SLC6A12: variants seen among roughly 807,000 people sequenced by gnomAD.
The protein encoded by SLC6A12 is sodium- and chloride-dependent betaine transporter.
SLC6A12 carries 50 observed loss-of-function variants against 73.3 expected under a neutral mutation model. The observed-to-expected ratio is 0.68, with a 90% confidence interval of 0.54 to 0.86. The LOEUF is 0.86. SLC6A12 is among the 40% of genes least tolerant of loss of function. SLC6A12 has a pLI of 0.00. For missense variants in SLC6A12, 648 were observed against 772.8 expected (o/e 0.84, Z 1.92); for synonymous variants, 304 against 309.2 (o/e 0.98, Z 0.18).
downstream of SLC6A12, among the ~76,000 whole-genome samples, chr12:188,707 T>A (rs1939490439): frequency 6.6e-6 from 1 of 151,644 alleles, no homozygotes; most frequent in Non-Finnish European, 1.5e-5. Context: ...GCGCGTGAAC[T>A]CATGTGCACA....
At chr12:194,274 G>A (rs1294098505) in intron 13 of SLC6A12, 1 of 152,314 alleles carries the variant, frequency 6.6e-6, no homozygotes, top group African/African-American at 2.4e-5. Flanking sequence ...GGCATCAGAT[G>A]CCTGAGGTGA....
At chr12:201,567 T>C (rs1940265103) in intron 6 of SLC6A12, 195 bp downstream of exon 6, 1 of 574,402 alleles carries the variant, frequency 1.7e-6, no homozygotes, top group African/African-American at 1.9e-5. Flanking sequence ...TAAATGTGAG[T>C]CTCCGTGGAC....
chr12:202,942 A>G (rs992298417), intron 4 of SLC6A12, 62 bp from the exon 5 acceptor site: 12 of 1,511,066 alleles, frequency 7.9e-6, no homozygotes, highest in Admixed American at 1.7e-5. Flanking sequence ...AAAAAGTCAC[A>G]TAGAAGCTGC....
downstream of SLC6A12, among the ~76,000 whole-genome samples, chr12:187,360 C>T (rs1161793167): frequency 2.0e-5 from 3 of 151,912 alleles, no homozygotes; most frequent in African/African-American, 4.8e-5. Flanking sequence ...GGAGTTTTTT[C>T]CTTCTGGTAG....
chr12:200,696 G>C lies in SLC6A12; in HGVS notation c.666C>G (p.Val222=), dbSNP rs1249405475. Residue 222 remains valine (V), a synonymous_variant, in exon 7 of 16, where the codon GTC becomes GTG. Transcript: ENST00000684302. ...CCTTCCAGATGCAGAAATAGCAGATGACCCAGGCGAGCAGGAGGCACAGGG... is the reference window on the plus strand; with the variant it reads ...CCTTCCAGATGCAGAAATAGCAGATCACCCAGGCGAGCAGGAGGCACAGGG... ...ELALCLLLAW[V]ICYFCIWKGV... 2.5e-6 allele frequency: 4 copies of C among 1,614,158 alleles called. No homozygotes were observed. The Admixed American group carries it at 6.7e-5, about 27-fold the overall frequency.
downstream of SLC6A12, among the ~76,000 whole-genome samples, chr12:187,609 A>C (rs1268288230): frequency 4.0e-4 from 6 of 14,922 alleles, no homozygotes; most frequent in Non-Finnish European, 2.4e-3. Flanking sequence ...AAAAAAAAAA[A>C]AAAAAAAAAA....
intron 12 of SLC6A12, among the ~76,000 whole-genome samples, chr12:195,636 C>T (rs907215293): frequency 3.3e-5 from 5 of 152,198 alleles, no homozygotes; most frequent in African/African-American, 1.2e-4. Context: ...ATCCCTCTCT[C>T]TCTACTCCAG....
At chr12:200,031 T>C (rs1940126047) in intron 7 of SLC6A12, among the ~76,000 whole-genome samples, 1 of 151,712 alleles carries the variant, frequency 6.6e-6, no homozygotes, top group South Asian at 2.1e-4. Flanking sequence ...TGAACAGAGA[T>C]TAGCAGTGCC....
chr12:204,707 G>A lies in SLC6A12; in HGVS notation c.215-9C>T. The A allele has an allele frequency of 2.5e-6, 4 of 1,613,066 alleles. No individual in the cohort carries two copies. The highest frequency in any genetic ancestry group is 3.4e-6 in the Non-Finnish European group (4 of 1,179,532). ...GGGGATGAAGAAGGCTCCTGCAGAA[G>A]AGAGAGAGGCAGGGCTGAGCCACAC... On this transcript the variant is annotated splice_polypyrimidine_tract_variant and intron_variant, in intron 3 of 15. Coordinates refer to ENST00000684302, the MANE Select transcript of SLC6A12 (RefSeq NM_001122848.3).
downstream of SLC6A12, among the ~76,000 whole-genome samples, chr12:186,276 T>C (rs1230977583): frequency 6.6e-6 from 1 of 152,150 alleles, no homozygotes; most frequent in Non-Finnish European, 1.5e-5. Context: ...AGGAGCACAC[T>C]TGACCCAACA....
At chr12:192,419 CA>C in intron 15 of SLC6A12, 58 bp downstream of exon 15, 2 of 1,515,140 alleles carry the variant, frequency 1.3e-6, no homozygotes, top group Non-Finnish European at 1.8e-6. Flanking sequence ...TGTCCTGCCC[CA>C]AGTCCAGCCT....
chr12:191,304 G>A, intron 15 of SLC6A12, 93 bp from the exon 16 acceptor site: 7 of 1,124,926 alleles, frequency 6.2e-6, no homozygotes, highest in African/African-American at 3.2e-5. Flanking sequence ...GCCCAGAGCG[G>A]AGCACATGGC....
rs1939808599 is a variant in SLC6A12, at chr12:195,276, A to G, written c.1378T>C (p.Cys460Arg). The change falls in exon 13 of 16, where the codon TGC (cysteine) becomes CGC (arginine). Residue 460 changes from cysteine (C) to arginine (R), a missense_variant. By Grantham distance (180) the Cys-to-Arg change is radical (BLOSUM62 -3). Transcript: ENST00000684302. ...TCAAACAATGACAGGAACAGCAGGCATATGCCACTGGAAGCATAGTAGTCA... is the reference window on the plus strand; with the variant it reads ...TCAAACAATGACAGGAACAGCAGGCGTATGCCACTGGAAGCATAGTAGTCA... ...LFDYYASSGI[C>R]LLFLSLFEVV... 1 of 1,612,850 alleles carries G rather than the reference A, an allele frequency of 6.2e-7. No homozygotes were observed. The highest frequency in any genetic ancestry group is 1.1e-5 in the South Asian group (1 of 91,056).
Position 196,227 on chromosome 12 carries a change from A to T in SLC6A12, c.1223T>A (p.Ile408Lys). The T allele has an allele frequency of 1.9e-6, 3 of 1,604,690 alleles. No homozygotes were observed. Among genetic ancestry groups the T allele is most frequent in the Non-Finnish European group, 2.5e-6 (3 of 1,176,848 alleles). ...CCGGAGCTGCCTGGGGAACATGTCT[A>T]TGGAGGCTGTCACCAGGCACTCCAC... is the stretch of plus-strand genomic sequence containing the variant. ...VCVECLVTAS[I>K]DMFPRQLRKS... The change falls in exon 12 of 16, where the codon ATA becomes AAA. Residue 408 changes from isoleucine to lysine, a missense_variant. Transcript: ENST00000684302.
chr12:212,140 G>C (rs1052999697), intron 1 of SLC6A12, 30 bp from the exon 2 acceptor site: 3 of 152,198 alleles, frequency 2.0e-5, no homozygotes, highest in African/African-American at 7.2e-5. Context: ...CTGCTCAAAG[G>C]GGTTTTCGGA....
chr12:196,227 A>G lies in SLC6A12; in HGVS notation c.1223T>C (p.Ile408Thr), dbSNP rs1437842090. 4 of 1,604,572 alleles carry G rather than the reference A, an allele frequency of 2.5e-6. No homozygotes were observed. The highest frequency in any genetic ancestry group is 1.7e-6 in the Non-Finnish European group (2 of 1,176,856). The change falls in exon 12 of 16, where the codon ATA becomes ACA. Residue 408 changes from isoleucine to threonine, a missense_variant. Physicochemically the swap from Ile to Thr is moderately conservative, Grantham distance 89. Coordinates refer to ENST00000684302, the MANE Select transcript of SLC6A12 (RefSeq NM_001122848.3). ...VCVECLVTAS[I>T]DMFPRQLRKS... is the part of the protein sequence containing the mutation. ...CCGGAGCTGCCTGGGGAACATGTCT[A>G]TGGAGGCTGTCACCAGGCACTCCAC...
At chr12:187,442 G>A (rs888681235), downstream of SLC6A12, among the ~76,000 whole-genome samples, 3 of 151,714 alleles carry the variant, frequency 2.0e-5, no homozygotes, top group East Asian at 1.9e-4. Flanking sequence ...TGAAGGCGGC[G>A]CGTCTGGAGT....
In SLC6A12 at chr12:209,590, C is replaced by T. The variant is rs994239512; in HGVS notation, c.214+183G>A. On this transcript the variant is annotated intron_variant, in intron 3 of 15. Coordinates refer to ENST00000684302, the MANE Select transcript of SLC6A12 (RefSeq NM_001122848.3). ...TCACCGTCACCCTGGGAGGTATTGTCCCCATTTCACAGAGAGGGACGCTGA... is the reference window on the plus strand; with the variant it reads ...TCACCGTCACCCTGGGAGGTATTGTTCCCATTTCACAGAGAGGGACGCTGA... The T allele has an allele frequency of 6.3e-6, 4 of 639,628 alleles. No individual in the cohort carries two copies. In the African/African-American group the frequency reaches 7.3e-5, roughly 12 times the overall value. 39.6% of individuals were successfully genotyped at this position (639,628 alleles called of 1,614,324 possible).
Position 196,806 on chromosome 12 carries a change from G to C in SLC6A12, c.1152C>G (p.Phe384Leu). Residue 384 changes from phenylalanine to leucine, a missense_variant, in exon 11 of 16, where the codon TTC becomes TTG. Coordinates refer to ENST00000684302, the MANE Select transcript of SLC6A12 (RefSeq NM_001122848.3). The part of the protein sequence containing the change: ...MPLSQLWSCL[F>L]FIMLIFLGLD... Reference sequence around the variant, plus strand: ...GCCCTAGGAATATGAGCATGATAAAGAACAGGCAGGACCACAGCTGGGATA... The same window carrying C: ...GCCCTAGGAATATGAGCATGATAAACAACAGGCAGGACCACAGCTGGGATA... The C allele has an allele frequency of 1.2e-6, 2 of 1,613,822 alleles. No individual in the cohort carries two copies. The highest frequency in any genetic ancestry group is 1.3e-5 in the African/African-American group (1 of 75,018).
Sources: allele counts gnomAD v4.1 joint callset (sites outside exome capture counted in the v4.1 genomes callset), GRCh38; gene constraint gnomAD v4.1.1; transcripts MANE v1.5; gene names NCBI Gene and HGNC (gene_info 2026-07-23, HGNC 2026-07-21).